Variants in SH3BP4 observed in about 807,000 individuals in gnomAD.
The protein encoded by SH3BP4 is SH3 domain binding protein 4, also known as SH3 domain-binding protein 4.
In SH3BP4, 33 loss-of-function variants were observed where a neutral mutation model predicts 65.5. That is an observed-to-expected ratio of 0.50 (90% CI 0.38 to 0.67). The LOEUF (loss-of-function observed/expected upper bound fraction) is 0.67, where lower values mean the gene tolerates loss of function less well. SH3BP4 is among the 30% of genes least tolerant of loss of function. The pLI is 0.00. For synonymous variants in SH3BP4, 552 were observed against 545.5 expected (o/e 1.01, Z -0.17); for missense variants, 1,134 against 1,261.4 (o/e 0.90, Z 1.53).
Position 235,055,635 on chromosome 2 carries a change from T to C in SH3BP4, c.*1819T>C, listed in dbSNP as rs1696201222. 6.6e-6 allele frequency: 1 copy of C among 152,642 alleles called. No individual in the cohort carries two copies. 9.5% of individuals were successfully genotyped at this position (152,642 alleles called of 1,614,324 possible). A position where few individuals can be genotyped will look rare whatever the true frequency, so the allele number is the denominator to read the frequency against. On this transcript the variant is annotated 3_prime_UTR_variant, in exon 6 of 6. Transcript: ENST00000392011. ...TCTACAAAAGTTGCAGTAAATTTTA[T>C]TTGGATATTTTAACCTGTTAAGTGT...
intron 2 of SH3BP4, among the ~76,000 whole-genome samples, chr2:235,005,022 C>T (rs868572148): frequency 2.0e-5 from 3 of 152,182 alleles, no homozygotes; most frequent in Non-Finnish European, 2.9e-5. Flanking sequence ...CAGCAAGGGT[C>T]GCTGTCACAT....
intron 4 of SH3BP4, among the ~76,000 whole-genome samples, chr2:235,051,833 C>T (rs143375257): frequency 7.9e-5 from 12 of 152,326 alleles, no homozygotes; most frequent in African/African-American, 1.9e-4. Context: ...CCATCCGTCT[C>T]GGCCTCAGGC....
intron 1 of SH3BP4, among the ~76,000 whole-genome samples, chr2:234,992,224 A>C (rs1693767783): frequency 6.6e-6 from 1 of 152,172 alleles, no homozygotes; most frequent in Non-Finnish European, 1.5e-5. Context: ...TTTCCAGCGA[A>C]GATTTATTTT....
At chr2:235,001,989 T>A (rs1296997657) in intron 2 of SH3BP4, among the ~76,000 whole-genome samples, 2 of 152,006 alleles carry the variant, frequency 1.3e-5, no homozygotes, top group Non-Finnish European at 2.9e-5. Context: ...GACTCCAGAG[T>A]AGCTGGGATT....
chr2:235,030,462 T>C lies in SH3BP4; in HGVS notation c.-132-4409T>C, dbSNP rs1302888151. On this transcript the variant is annotated intron_variant, in intron 2 of 5. Coordinates refer to ENST00000392011, the MANE Select transcript of SH3BP4 (RefSeq NM_014521.3). The surrounding 1 kb of genome is among the most constrained non-coding windows in gnomAD (Gnocchi z 4.1). Reference sequence around the variant, plus strand: ...CTTGAGGACGCAGTGGGATGGTGCCTGGTGGAGCTATGAGCGCAGCCTGTG... The same window carrying C: ...CTTGAGGACGCAGTGGGATGGTGCCCGGTGGAGCTATGAGCGCAGCCTGTG... Among the ~76,000 whole-genome samples, 1 of 152,166 alleles carries C rather than the reference T, an allele frequency of 6.6e-6. No homozygotes were observed. The highest frequency in any genetic ancestry group is 1.5e-5 in the Non-Finnish European group (1 of 68,016).
Position 235,043,100 on chromosome 2 carries a change from C to T in SH3BP4, c.2331C>T (p.Gly777=). The change falls in exon 4 of 6, where the codon GGC becomes GGT. Residue 777 remains glycine, a synonymous_variant. Transcript: ENST00000392011. ...SSWRSFADAL[G]YVNLPLTFFC... The stretch of plus-strand genomic sequence containing the variant: ...GGCGCTCCTTCGCTGACGCCCTGGG[C>T]TACGTGAACCTGCCGCTCACCTTTT... 1 of 1,613,638 alleles carries T rather than the reference C, an allele frequency of 6.2e-7. No homozygotes were observed. Among genetic ancestry groups the T allele is most frequent in the Non-Finnish European group, 8.5e-7 (1 of 1,179,968 alleles).
rs779782144 is a variant in SH3BP4, at chr2:235,043,124, T to C, written c.2355T>C (p.Phe785=). Reference sequence around the variant, plus strand: ...GCTACGTGAACCTGCCGCTCACCTTTTTCTGCCGGGCAGAGCTGGATAGTG... The same window carrying C: ...GCTACGTGAACCTGCCGCTCACCTTCTTCTGCCGGGCAGAGCTGGATAGTG... ...ALGYVNLPLT[F]FCRAELDSEP... The change falls in exon 4 of 6, where the codon TTT becomes TTC. Residue 785 remains phenylalanine (F), a synonymous_variant. Coordinates refer to ENST00000392011, the MANE Select transcript of SH3BP4 (RefSeq NM_014521.3). 1.2e-6 allele frequency: 2 copies of C among 1,613,766 alleles called. No homozygotes were observed. Among genetic ancestry groups the C allele is most frequent in the Non-Finnish European group, 1.7e-6 (2 of 1,180,000 alleles).
Position 235,043,161 on chromosome 2 carries a change from G to A in SH3BP4, c.2392G>A (p.Val798Met). Residue 798 changes from valine (V) to methionine (M), a missense_variant, in exon 4 of 6, where the codon GTG becomes ATG. By Grantham distance (21) the Val-to-Met change is conservative. Transcript: ENST00000392011. ...RAELDSEPER[V>M]ASVLEKLKED... ...AGAGCTGGATAGTGAGCCCGAGCGG[G>A]TGGCGTCCGTCCTAGAAAAGCTGAA... The A allele has an allele frequency of 6.2e-7, 1 of 1,612,668 alleles. No homozygotes were observed. Among genetic ancestry groups the A allele is most frequent in the Non-Finnish European group, 8.5e-7 (1 of 1,179,210 alleles).
intron 1 of SH3BP4, among the ~76,000 whole-genome samples, chr2:234,969,595 A>G (rs1323294157): frequency 1.3e-5 from 2 of 152,134 alleles, no homozygotes; most frequent in Non-Finnish European, 1.5e-5. Context: ...TGGCCTGCAG[A>G]CTTCCAAGGG....
At chr2:234,998,066 T>C (rs1413061826) in intron 2 of SH3BP4, among the ~76,000 whole-genome samples, 7 of 151,978 alleles carry the variant, frequency 4.6e-5, no homozygotes, top group African/African-American at 1.7e-4. Flanking sequence ...GAGATTGCAG[T>C]GAGCTGAGAT....
chr2:235,043,091 C>A lies in SH3BP4; in HGVS notation c.2322C>A (p.Asp774Glu). Residue 774 changes from aspartate to glutamate, a missense_variant, in exon 4 of 6, where the codon GAC becomes GAA. Physicochemically the swap from Asp to Glu is conservative, Grantham distance 45. Coordinates refer to ENST00000392011, the MANE Select transcript of SH3BP4 (RefSeq NM_014521.3). ...TCAGCAGCTGGCGCTCCTTCGCTGACGCCCTGGGCTACGTGAACCTGCCGC... is the reference window on the plus strand; with the variant it reads ...TCAGCAGCTGGCGCTCCTTCGCTGAAGCCCTGGGCTACGTGAACCTGCCGC... ...ENISSWRSFA[D>E]ALGYVNLPLT... 1.2e-6 allele frequency: 2 copies of A among 1,613,534 alleles called. No individual in the cohort carries two copies. The highest frequency in any genetic ancestry group is 1.7e-6 in the Non-Finnish European group (2 of 1,179,878).
chr2:235,028,725 G>T (rs1217890895), intron 2 of SH3BP4, among the ~76,000 whole-genome samples: 1 of 152,170 alleles, frequency 6.6e-6, no homozygotes, highest in Non-Finnish European at 1.5e-5. Context: ...CAGAGAAAGA[G>T]GATGGGGTGA....
chr2:235,052,639 G>C lies in SH3BP4; in HGVS notation c.2556G>C (p.Glu852Asp). Residue 852 changes from glutamate (E) to aspartate (D), a missense_variant, in exon 5 of 6, where the codon GAG becomes GAC. By Grantham distance (45) the Glu-to-Asp change is conservative. Transcript: ENST00000392011. The surrounding 1 kb of genome is among the most constrained non-coding windows in gnomAD (Gnocchi z 5.0). Reference protein sequence around the residue: ...QDFVLLTTAVEVAQRWRELAE... With the variant: ...QDFVLLTTAVDVAQRWRELAE... ...TTGTGCTCCTGACCACGGCTGTAGA[G>C]GTGGCCCAGCGCTGGCGGGAGCTGG... 1 of 1,579,914 alleles carries C rather than the reference G, an allele frequency of 6.3e-7. No homozygotes were observed. Among genetic ancestry groups the C allele is most frequent in the Non-Finnish European group, 8.6e-7 (1 of 1,163,666 alleles).
chr2:235,049,921 G>A lies in SH3BP4; in HGVS notation c.2479-2641G>A, dbSNP rs193241578. On this transcript the variant is annotated intron_variant, in intron 4 of 5. Transcript: ENST00000392011. ...TTATCTGTAGAACAGATGCCTTGCG[G>A]CCCACACAGCAGGGAGGACCTGGGG... Among the ~76,000 whole-genome samples the A allele has an allele frequency of 1.5e-3, 223 of 151,920 alleles. 1 individual carries two copies. The highest frequency in any genetic ancestry group is 2.4e-3 in the Non-Finnish European group (165 of 67,982).
intron 4 of SH3BP4, among the ~76,000 whole-genome samples, 172 bp downstream of exon 4, chr2:235,043,419 C>A: frequency 8.3e-6 from 1 of 120,304 alleles, no homozygotes; most frequent in South Asian, 3.6e-4. Flanking sequence ...TTCGCCTTCC[C>A]AATATGCGTG....
rs1252711835 is a variant in SH3BP4 at position 235,033,943 on chromosome 2, G to A, written c.-132-928G>A. 1.3e-5 allele frequency among the ~76,000 whole-genome samples: 2 copies of A among 152,144 alleles called. No homozygotes were observed. The highest frequency in any genetic ancestry group is 3.9e-4 in the East Asian group (2 of 5,190). On this transcript the variant is annotated intron_variant, in intron 2 of 5. Transcript: ENST00000392011. The surrounding 1 kb of genome is among the most constrained non-coding windows in gnomAD (Gnocchi z 5.7). Reference sequence around the variant, plus strand: ...ATTGTATATGTGCCCAGTTATATAGGGGTGAGATTTGCCTGCTCAGAGCTC... The same window carrying A: ...ATTGTATATGTGCCCAGTTATATAGAGGTGAGATTTGCCTGCTCAGAGCTC...
At chr2:234,961,163 ACCATCGTACTTCGCT>A (rs1692698901) in intron 1 of SH3BP4, among the ~76,000 whole-genome samples, 1 of 152,188 alleles carries the variant, frequency 6.6e-6, no homozygotes, top group African/African-American at 2.4e-5. Flanking sequence ...TAAAATGATG[ACCATCGTACTTCGCT>A]CCTGGAGTTG....
rs149624343 is a variant in SH3BP4, at chr2:235,035,102, A to G, written c.100A>G (p.Ser34Gly). ...CCTGAGCGAAGGGTTTTCAGAGACGAGCTTTAATGACATCAAAGGTGAGCT... is the reference window on the plus strand; with the variant it reads ...CCTGAGCGAAGGGTTTTCAGAGACGGGCTTTAATGACATCAAAGGTGAGCT... ...IDLSEGFSETSFNDIKVPSPS... is the reference protein window; with the variant it reads ...IDLSEGFSETGFNDIKVPSPS... The change falls in exon 3 of 6, where the codon AGC (serine) becomes GGC (glycine). Residue 34 changes from serine (S) to glycine (G), a missense_variant. Transcript: ENST00000392011. The surrounding 1 kb of genome is among the most constrained non-coding windows in gnomAD (Gnocchi z 5.0). 1.9e-6 allele frequency: 3 copies of G among 1,613,448 alleles called. No homozygotes were observed. The highest frequency in any genetic ancestry group is 1.3e-5 in the African/African-American group (1 of 75,020).
chr2:234,956,635 C>G (rs1378451187), intron 1 of SH3BP4, among the ~76,000 whole-genome samples: 1 of 151,266 alleles, frequency 6.6e-6, no homozygotes, highest in Non-Finnish European at 1.5e-5. Flanking sequence ...CTCACTGCAG[C>G]CTTCAACTCC....
Sources: gnomAD v4.1 joint callset for allele counts (sites outside exome capture counted in the v4.1 genomes callset) on GRCh38, gnomAD v4.1.1 for gene constraint, Gnocchi (gnomAD v3.1) non-coding constraint, MANE v1.5 for transcripts, NCBI Gene and HGNC (gene_info 2026-07-23, HGNC 2026-07-21) for gene names.